SHISA9: variants seen among roughly 807,000 people sequenced by gnomAD.
The protein encoded by SHISA9 is protein shisa-9.
In SHISA9, 13 loss-of-function variants were observed where a neutral mutation model predicts 38.0. The ratio of observed to expected loss-of-function variants is 0.34; its 90% CI spans 0.22 to 0.54. SHISA9 has a LOEUF of 0.54. Ranked by LOEUF, SHISA9 falls within the 20% of genes least tolerant of loss-of-function variation. The pLI, the probability that SHISA9 is intolerant of heterozygous loss-of-function variation, is 0.91. For synonymous variants in SHISA9, 275 were observed against 242.0 expected, an observed-to-expected ratio of 1.14 and a Z score of -1.27; for missense variants, 538 against 575.8, an observed-to-expected ratio of 0.93 and a Z score of 0.67.
chr16:13,092,579 G>A (rs531656619), intron 2 of SHISA9, among the ~76,000 whole-genome samples: 15 of 152,338 alleles, frequency 9.8e-5, no homozygotes, highest in Admixed American at 4.6e-4. Context: ...GATCTCAGAC[G>A]GCTGCGCTAG....
the SHISA9 span, among the ~76,000 whole-genome samples, chr16:13,313,535 T>TA: frequency 6.6e-6 from 1 of 152,136 alleles, no homozygotes; most frequent in Non-Finnish European, 1.5e-5. Context: ...TGAAAATGCT[T>TA]AAAAAGTGGT....
chr16:13,241,995 T>C (rs910735320), downstream of SHISA9, among the ~76,000 whole-genome samples: 1 of 152,198 alleles, frequency 6.6e-6, no homozygotes, highest in African/African-American at 2.4e-5. Flanking sequence ...CCTGGTGGAT[T>C]ATAACTCATA....
chr16:13,213,267 G>A lies in SHISA9; in HGVS notation c.862G>A (p.Asp288Asn), dbSNP rs1024034027. 3.2e-6 allele frequency: 5 copies of A among 1,551,804 alleles called. No homozygotes were observed. The highest frequency in any genetic ancestry group is 3.5e-6 in the Non-Finnish European group (4 of 1,147,004). ...TATTTTTTTAGGAAGTTCTGATGGT[G>A]ACTGGGCAGTATCGACACTTAAGTC... ...SLKAVGSSDG[D>N]WAVSTLKSPK... The change falls in exon 4 of 5, where the codon GAC becomes AAC. Residue 288 changes from aspartate (D) to asparagine (N), a missense_variant. Asp to Asn is a conservative substitution (Grantham distance 23). Transcript: ENST00000558583.
intron 2 of SHISA9, among the ~76,000 whole-genome samples, chr16:13,137,738 G>A (rs2050362695): frequency 6.6e-6 from 1 of 152,144 alleles, no homozygotes; most frequent in Admixed American, 6.6e-5. Flanking sequence ...ACAGGCATGA[G>A]CCACCGCACC....
At chr16:12,921,001 T>A (rs189802936) in intron 2 of SHISA9, among the ~76,000 whole-genome samples, 3 of 152,292 alleles carry the variant, frequency 2.0e-5, no homozygotes, top group Non-Finnish European at 4.4e-5. Context: ...GTAAAACGTG[T>A]TTCCTAGTGT....
chr16:13,260,790 C>A, the SHISA9 span, among the ~76,000 whole-genome samples: 1 of 152,186 alleles, frequency 6.6e-6, no homozygotes, highest in East Asian at 1.9e-4. Flanking sequence ...GCAGCGCCCC[C>A]CTTTACTGGT....
intron 4 of SHISA9, among the ~76,000 whole-genome samples, chr16:13,230,135 G>A (rs781337801): frequency 6.6e-6 from 1 of 152,196 alleles, no homozygotes; most frequent in Non-Finnish European, 1.5e-5. Context: ...AGAAAAGAAG[G>A]CAGGTTGGTT....
intron 2 of SHISA9, among the ~76,000 whole-genome samples, chr16:12,922,964 G>A (rs888117455): frequency 6.6e-6 from 1 of 151,786 alleles, no homozygotes; most frequent in Non-Finnish European, 1.5e-5. Flanking sequence ...CCAGGAACTG[G>A]GCTGACTCAT....
chr16:12,970,093 C>G (rs971435175), intron 2 of SHISA9, among the ~76,000 whole-genome samples: 1 of 150,622 alleles, frequency 6.6e-6, no homozygotes, highest in African/African-American at 2.4e-5. Flanking sequence ...TTATGTTATC[C>G]TTTATTTCCC....
chr16:13,161,762 G>A (rs1485910056), intron 2 of SHISA9, among the ~76,000 whole-genome samples: 1 of 152,126 alleles, frequency 6.6e-6, no homozygotes, highest in African/African-American at 2.4e-5. Flanking sequence ...AGTGGGCTGA[G>A]GGTGGAAAGT....
downstream of SHISA9, among the ~76,000 whole-genome samples, chr16:13,241,373 G>A (rs762820272): frequency 6.6e-6 from 1 of 152,158 alleles, no homozygotes; most frequent in Non-Finnish European, 1.5e-5. Flanking sequence ...GGGTGTGGTG[G>A]CGCATGCCTG....
At chr16:13,107,414 G>A (rs1205634169) in intron 2 of SHISA9, among the ~76,000 whole-genome samples, 3 of 151,228 alleles carry the variant, frequency 2.0e-5, no homozygotes, top group Admixed American at 1.3e-4. Flanking sequence ...CAGCTTGGGC[G>A]ACAGAGAGAC....
At chr16:13,024,346 C>T (rs1002369842) in intron 2 of SHISA9, among the ~76,000 whole-genome samples, 2 of 152,256 alleles carry the variant, frequency 1.3e-5, no homozygotes, top group Admixed American at 1.3e-4. Flanking sequence ...GCCTGGTGCT[C>T]ACCTGCCTGC....
intron 1 of SHISA9, among the ~76,000 whole-genome samples, chr16:12,904,826 G>C (rs2071071574): frequency 6.6e-6 from 1 of 152,172 alleles, no homozygotes; most frequent in African/African-American, 2.4e-5. Flanking sequence ...CCCACCCTAG[G>C]CTACTTAGAT....
At chr16:13,101,783 A>G (rs2073881402) in intron 2 of SHISA9, among the ~76,000 whole-genome samples, 1 of 152,192 alleles carries the variant, frequency 6.6e-6, no homozygotes, top group African/African-American at 2.4e-5. Flanking sequence ...ATCCTCGCCA[A>G]TACTTGCTAT....
chr16:13,356,615 G>A, the SHISA9 span, among the ~76,000 whole-genome samples: 1 of 152,138 alleles, frequency 6.6e-6, no homozygotes, highest in African/African-American at 2.4e-5. Context: ...GGCCTGGTGA[G>A]GAGCAGCCTG....
At chr16:13,258,993 T>C in the SHISA9 span, among the ~76,000 whole-genome samples, 6 of 152,174 alleles carry the variant, frequency 3.9e-5, no homozygotes, top group African/African-American at 1.4e-4. Flanking sequence ...TCTTAATTCA[T>C]TTCAGCATTA....
At chr16:13,082,870 A>C (rs2073668674) in intron 2 of SHISA9, among the ~76,000 whole-genome samples, 1 of 152,234 alleles carries the variant, frequency 6.6e-6, no homozygotes, top group African/African-American at 2.4e-5. Flanking sequence ...AGAGGTGACC[A>C]AGGTGCAAAT....
the SHISA9 span, among the ~76,000 whole-genome samples, chr16:13,446,621 G>A: frequency 1.6e-4 from 24 of 152,190 alleles, no homozygotes; most frequent in Middle Eastern, 3.4e-3. Context: ...GTATGGCAAG[G>A]CAACTTGTTG....
Sources: gnomAD v4.1 joint callset for allele counts (sites outside exome capture counted in the v4.1 genomes callset) on GRCh38, gnomAD v4.1.1 for gene constraint, MANE v1.5 for transcripts, NCBI Gene and HGNC (gene_info 2026-07-23, HGNC 2026-07-21) for gene names.